PCDH9: variants seen among roughly 807,000 people sequenced by gnomAD.
The protein encoded by PCDH9 is protocadherin 9.
Under a neutral mutation model 70.6 loss-of-function variants are expected in PCDH9, and 24 were observed. The ratio of observed to expected loss-of-function variants is 0.34; its 90% CI spans 0.25 to 0.48. The LOEUF (loss-of-function observed/expected upper bound fraction) is 0.48. Among genes scored for constraint, PCDH9 ranks in the 20% least tolerant of loss-of-function variants. PCDH9 has a pLI of 0.99. For synonymous variants in PCDH9, 562 were observed against 558.5 expected, an observed-to-expected ratio of 1.01 and a Z score of -0.09; for missense variants, 1,281 against 1,503.6, an observed-to-expected ratio of 0.85 and a Z score of 2.45.
intron 2 of PCDH9, chr13:67,222,367 T>G (rs1434197480): frequency 6.6e-6 from 1 of 151,658 alleles, no homozygotes; most frequent in Non-Finnish European, 1.5e-5. Context: ...TGTGAAAAAT[T>G]TAGTGACACA....
intron 4 of PCDH9, among the ~76,000 whole-genome samples, chr13:66,567,281 T>C (rs2076666840): frequency 6.6e-6 from 1 of 152,126 alleles, no homozygotes; most frequent in Non-Finnish European, 1.5e-5. Context: ...GAGGAAAAGT[T>C]TGCATATTTG....
chr13:66,934,963 G>A (rs900440904), intron 2 of PCDH9, among the ~76,000 whole-genome samples: 87 of 151,342 alleles, frequency 5.7e-4, no homozygotes, highest in Admixed American at 3.0e-3. Flanking sequence ...CTCGTGATCC[G>A]CCCGCCTCGG....
chr13:66,326,517 T>C (rs894508411), intron 4 of PCDH9, among the ~76,000 whole-genome samples: 22 of 151,898 alleles, frequency 1.4e-4, no homozygotes, highest in East Asian at 1.9e-4. Flanking sequence ...CTCCCGGGTT[T>C]ACGCCATTCT....
At chr13:67,134,837 A>G (rs1220191113) in intron 2 of PCDH9, among the ~76,000 whole-genome samples, 1 of 152,116 alleles carries the variant, frequency 6.6e-6, no homozygotes, top group African/African-American at 2.4e-5. Context: ...TTGACTCGCC[A>G]TCAAAATTTA....
At chr13:67,152,268 C>A (rs573199686) in intron 2 of PCDH9, among the ~76,000 whole-genome samples, 15 of 152,272 alleles carry the variant, frequency 9.9e-5, no homozygotes, top group African/African-American at 3.6e-4. Context: ...GGCAGCGCTC[C>A]ATGCCTGATA....
intron 2 of PCDH9, among the ~76,000 whole-genome samples, chr13:67,147,029 T>C (rs1311734853): frequency 6.6e-6 from 1 of 152,146 alleles, no homozygotes; most frequent in African/African-American, 2.4e-5. Flanking sequence ...TGGAAGCATT[T>C]TTATACAAAC....
At chr13:66,315,048 T>C (rs79821069) in intron 4 of PCDH9, among the ~76,000 whole-genome samples, 3,854 of 152,282 alleles carry the variant, frequency 0.025, 161 homozygotes, top group African/African-American at 0.087. Flanking sequence ...AAGGATTCAA[T>C]TGGCAATTGC....
chr13:66,304,849 C>T lies in PCDH9; in HGVS notation c.3520G>A (p.Val1174Met), dbSNP rs1231775204. The change falls in exon 5 of 5, where the codon GTG (valine) becomes ATG (methionine). Residue 1174 changes from valine (V) to methionine (M), a missense_variant. Val to Met is a conservative substitution (Grantham distance 21, BLOSUM62 1). Coordinates refer to ENST00000377865, the MANE Select transcript of PCDH9 (RefSeq NM_203487.3). The stretch of plus-strand genomic sequence containing the variant: ...GCTCTGGTCAGGGTGTGCCCATTCA[C>T]AAGCTTGTCCTTCTTCACCCATTCT... ...QKEWVKKDKL[V>M]NGHTLTRAWK... 6.2e-7 allele frequency: 1 copy of T among 1,613,568 alleles called. No homozygotes were observed. Among genetic ancestry groups the T allele is most frequent in the Non-Finnish European group, 8.5e-7 (1 of 1,179,740 alleles).
At position 66,400,436 on chromosome 13, in the gene PCDH9, G is replaced by A. The variant is rs115669860; in HGVS notation, c.3341-95408C>T. 7.0e-3 allele frequency among the ~76,000 whole-genome samples: 1,071 copies of A among 152,186 alleles called. 11 individuals are homozygous for A. Among genetic ancestry groups the A allele is most frequent in the African/African-American group, 0.025 (1,019 of 41,518 alleles). On this transcript the variant is annotated intron_variant, in intron 4 of 4. Transcript: ENST00000377865. ...ATATCTCTATAATAAATCTGTAAAA[G>A]CAAAATATATCATCATCAGTTACCC...
intron 2 of PCDH9, among the ~76,000 whole-genome samples, chr13:67,121,585 G>A (rs545087625): frequency 6.6e-6 from 1 of 152,154 alleles, no homozygotes; most frequent in East Asian, 1.9e-4. Context: ...CATATTATCA[G>A]GAATCTCGAG....
chr13:66,709,381 C>T (rs968882497), intron 3 of PCDH9, among the ~76,000 whole-genome samples: 10 of 152,174 alleles, frequency 6.6e-5, no homozygotes, highest in African/African-American at 2.4e-4. Flanking sequence ...TTAAGGGTTT[C>T]TGAATTGAAA....
intron 3 of PCDH9, among the ~76,000 whole-genome samples, chr13:66,631,706 G>A (rs1278128684): frequency 6.6e-6 from 1 of 152,058 alleles, no homozygotes; most frequent in Non-Finnish European, 1.5e-5. Flanking sequence ...AACTTATACT[G>A]TCGACAAAAT....
chr13:66,883,139 C>T (rs752917950), intron 3 of PCDH9, among the ~76,000 whole-genome samples: 9 of 152,104 alleles, frequency 5.9e-5, no homozygotes, highest in Non-Finnish European at 1.2e-4. Flanking sequence ...TATGTTTTTC[C>T]CTCTGCCTAG....
chr13:66,822,136 G>GTA (rs1555272304), intron 3 of PCDH9, among the ~76,000 whole-genome samples: 143 of 149,264 alleles, frequency 9.6e-4, no homozygotes, highest in African/African-American at 3.3e-3. Context: ...TCACACACGC[G>GTA]CACACACACA....
chr13:66,488,912 T>C (rs1276434075), intron 4 of PCDH9, among the ~76,000 whole-genome samples: 1 of 152,028 alleles, frequency 6.6e-6, no homozygotes, highest in Non-Finnish European at 1.5e-5. Flanking sequence ...CCTAGAAAAA[T>C]GGTTTTATTA....
chr13:66,746,931 C>T (rs1034392916), intron 3 of PCDH9, among the ~76,000 whole-genome samples: 1 of 152,170 alleles, frequency 6.6e-6, no homozygotes, highest in Non-Finnish European at 1.5e-5. Context: ...TATCCCCCAA[C>T]TTTCGTGATT....
chr13:66,513,107 C>T (rs921896099), intron 4 of PCDH9, among the ~76,000 whole-genome samples: 4 of 151,848 alleles, frequency 2.6e-5, no homozygotes, highest in South Asian at 2.1e-4. Flanking sequence ...TGTGACCCAC[C>T]GTACCAGACC....
intron 2 of PCDH9, among the ~76,000 whole-genome samples, chr13:66,998,976 A>T (rs80284325): frequency 6.6e-6 from 1 of 152,234 alleles, no homozygotes; most frequent in African/African-American, 2.4e-5. Context: ...ATATAACCCA[A>T]GATAAACCAT....
At chr13:67,202,026 T>G (rs2089225784) in intron 2 of PCDH9, 1 of 152,060 alleles carries the variant, frequency 6.6e-6, no homozygotes, top group African/African-American at 2.4e-5. Flanking sequence ...ATGTGGCTAT[T>G]TTTCAGAAAT....
Sources: allele counts gnomAD v4.1 joint callset (sites outside exome capture counted in the v4.1 genomes callset), GRCh38; gene constraint gnomAD v4.1.1; transcripts MANE v1.5; gene names NCBI Gene and HGNC (gene_info 2026-07-23, HGNC 2026-07-21).